The following MAPK10 variants were observed in gnomAD, a reference collection of about 807,000 sequenced individuals.
MAPK10 encodes mitogen-activated protein kinase 10, also known as JNK3 alpha protein kinase.
Under a neutral mutation model 59.3 loss-of-function variants are expected in MAPK10, and 25 were observed. The observed-to-expected ratio is 0.42, with a 90% CI of 0.31 to 0.59. MAPK10 has a LOEUF of 0.59. Among genes scored for constraint, MAPK10 ranks in the 20% least tolerant of loss-of-function variants. The probability of loss-of-function intolerance (pLI) is 0.15; values close to 1 mark genes in which losing one functional copy is unlikely to be tolerated. For synonymous variants in MAPK10, 190 were observed against 200.5 expected, an observed-to-expected ratio of 0.95 and a Z score of 0.44; for missense variants, 351 against 568.9, an observed-to-expected ratio of 0.62 and a Z score of 3.90.
intron 1 of MAPK10, among the ~76,000 whole-genome samples, chr4:86,548,854 A>G (rs1759518271): frequency 1.3e-5 from 2 of 152,176 alleles, no homozygotes; most frequent in Non-Finnish European, 1.5e-5. Context: ...TAGCTCTGTG[A>G]TATGGAAAGA....
intron 11 of MAPK10, chr4:86,044,878 A>G: frequency 2.5e-6 from 1 of 396,064 alleles, no homozygotes; most frequent in Admixed American, 4.4e-5. Context: ...TATTCAAGAG[A>G]AACTAGTTCC....
At chr4:86,213,700 C>T (rs781311494) in intron 2 of MAPK10, among the ~76,000 whole-genome samples, 1 of 151,996 alleles carries the variant, frequency 6.6e-6, no homozygotes, top group Non-Finnish European at 1.5e-5. Flanking sequence ...CTGTTACTAG[C>T]AAGGAAATTA....
chr4:86,130,419 A>C (rs1562079752), intron 4 of MAPK10, among the ~76,000 whole-genome samples: 1 of 152,172 alleles, frequency 6.6e-6, no homozygotes, highest in South Asian at 2.1e-4. Context: ...TATAAGATAG[A>C]TTCAAACTAA....
chr4:86,460,901 G>A (rs187026019), intron 1 of MAPK10, among the ~76,000 whole-genome samples: 7 of 152,290 alleles, frequency 4.6e-5, no homozygotes, highest in African/African-American at 1.7e-4. Flanking sequence ...GTAAATCTCT[G>A]TTCAGGGCTC....
intron 4 of MAPK10, among the ~76,000 whole-genome samples, chr4:86,130,618 CA>C (rs1355366329): frequency 1.3e-5 from 2 of 151,990 alleles, no homozygotes; most frequent in Admixed American, 1.3e-4. Flanking sequence ...ATAGCATCAG[CA>C]GGGAAAGTAG....
chr4:86,510,629 A>G (rs529994959), intron 1 of MAPK10, among the ~76,000 whole-genome samples: 10 of 151,118 alleles, frequency 6.6e-5, no homozygotes, highest in African/African-American at 1.9e-4. Flanking sequence ...ATATCTATAT[A>G]CATGTATACA....
Position 86,017,457 on chromosome 4 carries a change from C to T in MAPK10, c.1253-87G>A. On this transcript the variant is annotated intron_variant, in intron 13 of 13. Coordinates refer to ENST00000641462, the MANE Select transcript of MAPK10 (RefSeq NM_138982.4). This position sits in a 1 kb window ranked among gnomAD's most constrained non-coding sequence, Gnocchi z 4.4. ...TTCAGGATTCAGGGATGGGCAAATA[C>T]AATAGGGGATGTCCAGTCCATCAAT... The T allele has an allele frequency of 7.0e-7, 1 of 1,421,780 alleles. No individual in the cohort carries two copies. The highest frequency in any genetic ancestry group is 2.3e-5 in the East Asian group (1 of 43,544). 88.1% of individuals were successfully genotyped at this position (1,421,780 alleles called of 1,614,324 possible). A position where few individuals can be genotyped will look rare whatever the true frequency, so the allele number is the denominator to read the frequency against.
intron 9 of MAPK10, chr4:86,080,977 A>G (rs2050529986): frequency 1.3e-5 from 2 of 152,176 alleles, no homozygotes; most frequent in Admixed American, 1.3e-4. Flanking sequence ...AATTCTGAAG[A>G]TGACAAAAAT....
intron 1 of MAPK10, among the ~76,000 whole-genome samples, chr4:86,378,929 G>C (rs1279894661): frequency 6.6e-6 from 1 of 152,184 alleles, no homozygotes; most frequent in African/African-American, 2.4e-5. Context: ...AAGGCTTCAT[G>C]GAAGAATTGA....
At chr4:86,397,887 A>AC (rs997557162) in intron 1 of MAPK10, among the ~76,000 whole-genome samples, 3 of 151,196 alleles carry the variant, frequency 2.0e-5, no homozygotes, top group African/African-American at 7.3e-5. Flanking sequence ...AAAAAAAAAA[A>AC]AAACTGGCTT....
At chr4:86,191,574 T>G (rs1562924214) in intron 3 of MAPK10, 15 of 103,032 alleles carry the variant, frequency 1.5e-4, no homozygotes, top group African/African-American at 5.2e-4. Context: ...TTTTTTTTTT[T>G]TTTTTTTTTT....
intron 1 of MAPK10, among the ~76,000 whole-genome samples, chr4:86,469,248 C>CA (rs200592796): frequency 0.012 from 1,871 of 151,670 alleles, 25 homozygotes; most frequent in Non-Finnish European, 0.014. Context: ...TTTTTTGTCT[C>CA]AAAAAAACAA....
chr4:86,187,145 A>T (rs1220376337), intron 3 of MAPK10, among the ~76,000 whole-genome samples: 2 of 149,328 alleles, frequency 1.3e-5, no homozygotes, highest in Admixed American at 6.6e-5. Flanking sequence ...CAGAGAATAC[A>T]TTTTAAGACC....
chr4:86,136,140 G>A (rs4693755), intron 4 of MAPK10, among the ~76,000 whole-genome samples: 27,418 of 152,050 alleles, frequency 0.18, 2,584 homozygotes, highest in African/African-American at 0.21. Flanking sequence ...AACTTCCCCA[G>A]TCTAGCAAGG....
chr4:86,274,123 A>C (rs574977803), intron 2 of MAPK10, among the ~76,000 whole-genome samples: 26 of 152,186 alleles, frequency 1.7e-4, no homozygotes, highest in African/African-American at 6.3e-4. Flanking sequence ...AAGTTATAAT[A>C]ATCTGAGTTT....
At chr4:86,501,067 T>C (rs1049547813) in intron 1 of MAPK10, among the ~76,000 whole-genome samples, 5 of 145,014 alleles carry the variant, frequency 3.4e-5, no homozygotes, top group Admixed American at 1.4e-4. Flanking sequence ...CACTTTCTTA[T>C]GTGAATGAAG....
intron 1 of MAPK10, among the ~76,000 whole-genome samples, chr4:86,550,909 G>A (rs985475529): frequency 1.3e-5 from 2 of 152,210 alleles, no homozygotes; most frequent in Admixed American, 6.5e-5. Context: ...GGGAAGAATA[G>A]GCTGGGCAAT....
chr4:86,579,247 A>G (rs1027331293), intron 1 of MAPK10, among the ~76,000 whole-genome samples: 5 of 152,166 alleles, frequency 3.3e-5, no homozygotes, highest in African/African-American at 1.2e-4. Flanking sequence ...AAACTTTCCT[A>G]TCTCTGTTTC....
intron 1 of MAPK10, among the ~76,000 whole-genome samples, chr4:86,471,922 C>T (rs2149066302): frequency 6.6e-6 from 1 of 152,146 alleles, no homozygotes; most frequent in East Asian, 1.9e-4. Flanking sequence ...AATAAAATTA[C>T]AGTCATTTGC....
Sources: gnomAD v4.1 joint callset for allele counts (sites outside exome capture counted in the v4.1 genomes callset) on GRCh38, gnomAD v4.1.1 for gene constraint, Gnocchi (gnomAD v3.1) non-coding constraint, MANE v1.5 for transcripts, NCBI Gene and HGNC (gene_info 2026-07-23, HGNC 2026-07-21) for gene names.